Variants in PXK observed in about 807,000 individuals in gnomAD.
PXK encodes PX domain-containing protein kinase-like protein.
In PXK, 35 loss-of-function variants were observed where a neutral mutation model predicts 84.7. That is an observed-to-expected ratio of 0.41 (90% CI 0.32 to 0.55). The LOEUF (loss-of-function observed/expected upper bound fraction) is 0.55, where lower values mean the gene tolerates loss of function less well. Among genes scored for constraint, PXK ranks in the 20% least tolerant of loss-of-function variants. The pLI is 0.21. For missense variants in PXK, 634 were observed against 699.7 expected (o/e 0.91, Z 1.06); for synonymous variants, 253 against 260.8 (o/e 0.97, Z 0.29).
intron 1 of PXK, among the ~76,000 whole-genome samples, chr3:58,347,170 A>G (rs978262521): frequency 7.9e-5 from 12 of 151,998 alleles, no homozygotes; most frequent in Admixed American, 2.0e-4. Flanking sequence ...ACGAGGTCTC[A>G]CTATGTTGTC....
Position 58,425,037 on chromosome 3 carries a change from T to TG in PXK, c.*80dup. The stretch of plus-strand genomic sequence containing the variant: ...CCTACCCCCCAAACTACCCTCTTCC[T>TG]GGGAAAGTAATTGCTGAGCCAGTAC... On this transcript the variant is annotated 3_prime_UTR_variant, in exon 18 of 18. Coordinates refer to ENST00000356151, the MANE Select transcript of PXK (RefSeq NM_017771.5). 3 of 1,551,694 alleles carry TG rather than the reference T, an allele frequency of 1.9e-6. No homozygotes were observed. The highest frequency in any genetic ancestry group is 2.6e-6 in the Non-Finnish European group (3 of 1,146,820).
At chr3:58,406,333 T>C (rs576627975) in intron 13 of PXK, among the ~76,000 whole-genome samples, 2 of 151,588 alleles carry the variant, frequency 1.3e-5, no homozygotes, top group South Asian at 4.2e-4. Flanking sequence ...TGGAGTGCAG[T>C]GGTGCAATGA....
intron 1 of PXK, among the ~76,000 whole-genome samples, chr3:58,345,199 G>A (rs1009241034): frequency 2.0e-5 from 3 of 152,282 alleles, no homozygotes; most frequent in Non-Finnish European, 1.5e-5. Context: ...GGCTGGTCAG[G>A]TCCTCCCTGG....
intron 7 of PXK, 49 bp downstream of exon 7, chr3:58,391,896 G>A: frequency 6.6e-7 from 1 of 1,517,330 alleles, no homozygotes; most frequent in African/African-American, 1.4e-5. Flanking sequence ...TAGAGTCACA[G>A]TATTTTTTCT....
intron 1 of PXK, among the ~76,000 whole-genome samples, chr3:58,346,790 T>C (rs983093970): frequency 6.8e-6 from 1 of 147,848 alleles, no homozygotes; most frequent in African/African-American, 2.5e-5. Context: ...CCTGAGTAAC[T>C]AGGACCACAG....
intron 5 of PXK, 56 bp from the exon 6 acceptor site, chr3:58,391,091 A>G (rs1431395933): frequency 2.3e-6 from 3 of 1,280,364 alleles, no homozygotes; most frequent in African/African-American, 1.5e-5. Context: ...TCAGTGAAAC[A>G]TATCAGTTGT....
At chr3:58,356,085 T>C (rs1444290148) in intron 1 of PXK, among the ~76,000 whole-genome samples, 2 of 152,212 alleles carry the variant, frequency 1.3e-5, no homozygotes, top group African/African-American at 4.8e-5. Flanking sequence ...TAATTATCTC[T>C]TTTCCTCCCT....
At position 58,382,560 on chromosome 3, in the gene PXK, A is replaced by G; in HGVS notation, c.248A>G (p.Asn83Ser). ...CTTCCTCCCAAAAAATTGATTGGTA[A>G]CATGGATCGTGAATTCATAGCTGAA... The part of the protein sequence containing the change: ...LPLPPKKLIG[N>S]MDREFIAERQ... The change falls in exon 4 of 18, where the codon AAC (asparagine) becomes AGC (serine). Residue 83 changes from asparagine to serine, a missense_variant. Physicochemically the swap from Asn to Ser is conservative, Grantham distance 46. Around this residue, in one of 3 missense-constraint regions of PXK, gnomAD observed 353 missense variants for 385.2 expected, o/e 0.92. Transcript: ENST00000356151. 6.2e-7 allele frequency: 1 copy of G among 1,602,394 alleles called. No individual in the cohort carries two copies.
chr3:58,413,043 CCAA>C, intron 17 of PXK, 80 bp downstream of exon 17: 1 of 1,473,458 alleles, frequency 6.8e-7, no homozygotes, highest in South Asian at 1.1e-5. Flanking sequence ...CTGCCTTGGC[CCAA>C]CAATTTCAGG....
At chr3:58,419,922 A>C (rs1297984360) in intron 17 of PXK, among the ~76,000 whole-genome samples, 2 of 152,172 alleles carry the variant, frequency 1.3e-5, no homozygotes, top group African/African-American at 4.8e-5. Flanking sequence ...AGTAAGTTTC[A>C]CTGCCCAATT....
rs1243647669 is a variant in PXK, at chr3:58,401,519, G to A, written c.1181+2142G>A. On this transcript the variant is annotated intron_variant, in intron 12 of 17. Transcript: ENST00000356151. The surrounding 1 kb of genome is among the most constrained non-coding windows in gnomAD (Gnocchi z 4.4). ...CACCAAGTAATAATCCCAGCTACTTGGAAGGCTGAGGTGGTAGAATCGCTT... is the reference window on the plus strand; with the variant it reads ...CACCAAGTAATAATCCCAGCTACTTAGAAGGCTGAGGTGGTAGAATCGCTT... Among the ~76,000 whole-genome samples, 2 of 152,132 alleles carry A rather than the reference G, an allele frequency of 1.3e-5. No homozygotes were observed. The highest frequency in any genetic ancestry group is 4.8e-5 in the African/African-American group (2 of 41,408).
intron 1 of PXK, among the ~76,000 whole-genome samples, chr3:58,358,766 G>A (rs1156525657): frequency 2.0e-5 from 3 of 152,064 alleles, no homozygotes; most frequent in East Asian, 1.9e-4. Context: ...AATCACCCCC[G>A]CTTTTAAGAA....
chr3:58,403,768 C>A, intron 12 of PXK, 94 bp from the exon 13 acceptor site: 1 of 628,078 alleles, frequency 1.6e-6, no homozygotes, highest in Non-Finnish European at 2.6e-6. Flanking sequence ...GGAAGGGAGA[C>A]CTCATGGGCT....
At chr3:58,363,427 C>G (rs930553547) in intron 1 of PXK, among the ~76,000 whole-genome samples, 4 of 152,126 alleles carry the variant, frequency 2.6e-5, no homozygotes, top group African/African-American at 9.7e-5. Flanking sequence ...CTTCCGGGCT[C>G]AAGCATTCCC....
intron 1 of PXK, among the ~76,000 whole-genome samples, chr3:58,352,186 A>G (rs191830396): frequency 9.2e-5 from 14 of 152,258 alleles, no homozygotes; most frequent in African/African-American, 3.4e-4. Flanking sequence ...TGACACAGTG[A>G]CCAGCTCCTC....
rs1187983280 is a variant in PXK, at chr3:58,383,063, G to A, written c.388+363G>A. Reference sequence around the variant, plus strand: ...TCCCAGCACTTTGGGAGGCCAAGGCGGTTGGATCACCTGAGGTCAGGAGTT... The same window carrying A: ...TCCCAGCACTTTGGGAGGCCAAGGCAGTTGGATCACCTGAGGTCAGGAGTT... On this transcript the variant is annotated intron_variant, in intron 4 of 17. Transcript: ENST00000356151. This position sits in a 1 kb window ranked among gnomAD's most constrained non-coding sequence, Gnocchi z 4.0. Among the ~76,000 whole-genome samples, 3 of 152,308 alleles carry A rather than the reference G, an allele frequency of 2.0e-5. No individual in the cohort carries two copies. Among genetic ancestry groups the A allele is most frequent in the Admixed American group, 6.5e-5 (1 of 15,302 alleles).
Position 58,412,019 on chromosome 3 carries a change from A to C in PXK, c.1466-882A>C, listed in dbSNP as rs2060271202. 6.6e-6 allele frequency among the ~76,000 whole-genome samples: 1 copy of C among 152,120 alleles called. No individual in the cohort carries two copies. The highest frequency in any genetic ancestry group is 2.4e-5 in the African/African-American group (1 of 41,402). Reference sequence around the variant, plus strand: ...TGAGGGAAGTGATGGCTGGGGCCTTAACCACACCAGCTCTGGTGGCTTCTC... The same window carrying C: ...TGAGGGAAGTGATGGCTGGGGCCTTCACCACACCAGCTCTGGTGGCTTCTC... On this transcript the variant is annotated intron_variant, in intron 16 of 17. Transcript: ENST00000356151. This position sits in a 1 kb window ranked among gnomAD's most constrained non-coding sequence, Gnocchi z 6.2.
chr3:58,350,514 T>C (rs879676407), intron 1 of PXK, among the ~76,000 whole-genome samples: 23 of 152,296 alleles, frequency 1.5e-4, no homozygotes, highest in Admixed American at 1.4e-3. Flanking sequence ...CCTTGGAGCA[T>C]GTGAAAGTAT....
rs200275175 is a variant in PXK, at chr3:58,397,574, G to C, written c.985-31G>C. 3.8e-6 allele frequency: 6 copies of C among 1,571,520 alleles called. No homozygotes were observed. Among genetic ancestry groups the C allele is most frequent in the Non-Finnish European group, 5.3e-6 (6 of 1,141,286 alleles). Reference sequence around the variant, plus strand: ...GAGGGTCCACAAAGCCAAAGTGAAGGGTGAACACGCTGCTACTCTTTCTTC... The same window carrying C: ...GAGGGTCCACAAAGCCAAAGTGAAGCGTGAACACGCTGCTACTCTTTCTTC... On this transcript the variant is annotated intron_variant, in intron 10 of 17. Transcript: ENST00000356151. The surrounding 1 kb of genome is among the most constrained non-coding windows in gnomAD (Gnocchi z 4.7).
Sources: gnomAD v4.1 joint callset for allele counts (sites outside exome capture counted in the v4.1 genomes callset) on GRCh38, gnomAD v4.1.1 for gene constraint, gnomAD v4.1.1 regional missense constraint, Gnocchi (gnomAD v3.1) non-coding constraint, MANE v1.5 for transcripts, NCBI Gene and HGNC (gene_info 2026-07-23, HGNC 2026-07-21) for gene names.